The following FSTL4 variants were observed in gnomAD, a reference collection of about 807,000 sequenced individuals.
The protein encoded by FSTL4 is follistatin-related protein 4.
A neutral mutation model predicts 78.2 loss-of-function variants in FSTL4; 28 were observed. That is an observed-to-expected ratio of 0.36 (90% CI 0.27 to 0.49). FSTL4 has a LOEUF of 0.49. Ranked by LOEUF, FSTL4 falls within the 20% of genes least tolerant of loss-of-function variation. The pLI, the probability that FSTL4 is intolerant of heterozygous loss-of-function variation, is 0.98. For synonymous variants in FSTL4, 422 were observed against 440.5 expected, an observed-to-expected ratio of 0.96 and a Z score of 0.53; for missense variants, 922 against 1,084.9, an observed-to-expected ratio of 0.85 and a Z score of 2.11.
At chr5:133,390,829 G>A (rs899847553) in intron 4 of FSTL4, among the ~76,000 whole-genome samples, 2 of 152,162 alleles carry the variant, frequency 1.3e-5, no homozygotes, top group Non-Finnish European at 2.9e-5. Context: ...TCTCTTTGGA[G>A]AAGATGGCCC....
intron 3 of FSTL4, among the ~76,000 whole-genome samples, chr5:133,466,889 A>G (rs1757719451): frequency 6.6e-6 from 1 of 151,126 alleles, no homozygotes; most frequent in Non-Finnish European, 1.5e-5. Context: ...TGTGTGTGTC[A>G]GTGTGAGTGT....
chr5:133,404,532 A>AC (rs1389071824), intron 3 of FSTL4, among the ~76,000 whole-genome samples: 8 of 152,234 alleles, frequency 5.3e-5, no homozygotes, highest in Non-Finnish European at 1.0e-4. Context: ...AGAAATGGGA[A>AC]CAGTTACATT....
chr5:133,606,057 G>A (rs1229309516), intron 1 of FSTL4, among the ~76,000 whole-genome samples: 1 of 152,120 alleles, frequency 6.6e-6, no homozygotes, highest in Admixed American at 6.5e-5. Context: ...ACAGGGAGAA[G>A]GAGCAGGAAA....
rs140964938 is a variant in FSTL4, at chr5:133,306,928, C to T, written c.727+5726G>A. ...CAGAAATCTTCATCATTACCCTCAC[C>T]GCCGCCATCATTGACCTGGTTAATG... On this transcript the variant is annotated intron_variant, in intron 6 of 15. Coordinates refer to ENST00000265342, the MANE Select transcript of FSTL4 (RefSeq NM_015082.2). Among the ~76,000 whole-genome samples, 883 of 152,276 alleles carry T rather than the reference C, an allele frequency of 5.8e-3. 7 individuals carry two copies. The highest frequency in any genetic ancestry group is 6.9e-3 in the Non-Finnish European group (470 of 68,026).
At chr5:133,442,010 CCT>C (rs1757168464) in intron 3 of FSTL4, among the ~76,000 whole-genome samples, 1 of 152,208 alleles carries the variant, frequency 6.6e-6, no homozygotes, top group South Asian at 2.1e-4. Context: ...AGGGACAGCC[CCT>C]GTCACATGGC....
At chr5:133,343,064 G>A (rs527432625) in intron 4 of FSTL4, among the ~76,000 whole-genome samples, 97 of 152,280 alleles carry the variant, frequency 6.4e-4, no homozygotes, top group African/African-American at 2.1e-3. Flanking sequence ...CACCCCTGCC[G>A]GCCCATCGAG....
intron 3 of FSTL4, among the ~76,000 whole-genome samples, chr5:133,495,159 G>A (rs1373135528): frequency 6.6e-6 from 1 of 152,224 alleles, no homozygotes; most frequent in East Asian, 1.9e-4. Context: ...CACCGGTTGG[G>A]AATGAGGGAT....
chr5:133,418,815 T>C (rs1007153676), intron 3 of FSTL4, among the ~76,000 whole-genome samples: 1 of 152,244 alleles, frequency 6.6e-6, no homozygotes, highest in Non-Finnish European at 1.5e-5. Flanking sequence ...TCGACATATA[T>C]GTACACCCAT....
the FSTL4 span, among the ~76,000 whole-genome samples, chr5:133,752,155 G>A: frequency 1.1e-4 from 17 of 152,318 alleles, no homozygotes; most frequent in East Asian, 2.7e-3. Flanking sequence ...TGCCCAACCT[G>A]CTCAAAACAC....
intron 4 of FSTL4, among the ~76,000 whole-genome samples, chr5:133,352,487 G>A (rs1261690357): frequency 6.6e-6 from 1 of 151,810 alleles, no homozygotes; most frequent in Non-Finnish European, 1.5e-5. Flanking sequence ...TTGGCTCACA[G>A]CAACCTCAAC....
intron 6 of FSTL4, among the ~76,000 whole-genome samples, chr5:133,278,664 C>A (rs1427814118): frequency 6.6e-6 from 1 of 152,184 alleles, no homozygotes; most frequent in African/African-American, 2.4e-5. Flanking sequence ...GCAAGGAAGA[C>A]CTCAGTGGAG....
At chr5:133,601,806 C>G (rs1230733643) in intron 2 of FSTL4, among the ~76,000 whole-genome samples, 1 of 151,796 alleles carries the variant, frequency 6.6e-6, no homozygotes, top group Non-Finnish European at 1.5e-5. Flanking sequence ...ACCTCAGCCT[C>G]TCGAGTAGCT....
At chr5:133,689,493 T>C in the FSTL4 span, among the ~76,000 whole-genome samples, 3 of 152,192 alleles carry the variant, frequency 2.0e-5, no homozygotes, top group Non-Finnish European at 4.4e-5. Context: ...GGTACAGTAG[T>C]GGGTATATGT....
At chr5:133,441,843 T>G (rs1215463669) in intron 3 of FSTL4, among the ~76,000 whole-genome samples, 4 of 152,182 alleles carry the variant, frequency 2.6e-5, no homozygotes, top group Non-Finnish European at 5.9e-5. Context: ...AGCTTCTCTC[T>G]TGCATGGATT....
chr5:133,640,722 A>G, the FSTL4 span, among the ~76,000 whole-genome samples: 1 of 152,184 alleles, frequency 6.6e-6, no homozygotes, highest in African/African-American at 2.4e-5. Context: ...AGTTCAAAAT[A>G]CTGAACACAA....
At chr5:133,537,988 C>T (rs1057353038) in intron 3 of FSTL4, among the ~76,000 whole-genome samples, 13 of 152,102 alleles carry the variant, frequency 8.5e-5, no homozygotes, top group East Asian at 1.9e-4. Context: ...AATCCTAAAG[C>T]GTATATTTCC....
chr5:133,396,158 A>G (rs1756038463), intron 4 of FSTL4, among the ~76,000 whole-genome samples: 1 of 152,196 alleles, frequency 6.6e-6, no homozygotes, highest in Non-Finnish European at 1.5e-5. Context: ...ATAAATGGGC[A>G]AGGGTCTTAC....
chr5:133,498,184 C>G (rs1488667710), intron 3 of FSTL4, among the ~76,000 whole-genome samples: 1 of 152,192 alleles, frequency 6.6e-6, no homozygotes, highest in East Asian at 1.9e-4. Flanking sequence ...CGGTGACTGC[C>G]TCTCCAAGCT....
chr5:133,452,511 C>A (rs1347257764), intron 3 of FSTL4, among the ~76,000 whole-genome samples: 1 of 152,258 alleles, frequency 6.6e-6, no homozygotes, highest in African/African-American at 2.4e-5. Context: ...AACACCACCA[C>A]CAACAACAGC....
Sources: gnomAD v4.1 joint callset for allele counts (sites outside exome capture counted in the v4.1 genomes callset) on GRCh38, gnomAD v4.1.1 for gene constraint, MANE v1.5 for transcripts, NCBI Gene and HGNC (gene_info 2026-07-23, HGNC 2026-07-21) for gene names.